Variants in SVEP1 observed in about 807,000 individuals in gnomAD.
The protein encoded by SVEP1 is sushi, von Willebrand factor type A, EGF and pentraxin domain-containing protein 1.
A neutral mutation model predicts 367.3 loss-of-function variants in SVEP1; 164 were observed. The ratio of observed to expected loss-of-function variants is 0.45; its 90% CI spans 0.39 to 0.51. SVEP1 has a LOEUF of 0.51. Ranked by LOEUF, SVEP1 falls within the 20% of genes least tolerant of loss-of-function variation. The pLI is 0.00. For missense variants in SVEP1, 4,117 were observed against 4,425.3 expected, an observed-to-expected ratio of 0.93 and a Z score of 1.98; for synonymous variants, 1,666 against 1,611.6, an observed-to-expected ratio of 1.03 and a Z score of -0.81.
chr9:110,379,808 CAAAT>C (rs1251342132), intron 43 of SVEP1, among the ~76,000 whole-genome samples: 9 of 152,248 alleles, frequency 5.9e-5, no homozygotes, highest in African/African-American at 1.9e-4. Flanking sequence ...TGTACCTCAT[CAAAT>C]AAATGGCTGC....
chr9:110,487,020 G>A (rs1164820720), intron 9 of SVEP1, among the ~76,000 whole-genome samples: 1 of 151,956 alleles, frequency 6.6e-6, no homozygotes, highest in Non-Finnish European at 1.5e-5. Flanking sequence ...GCAATGGTGC[G>A]ATCTCAGCTC....
At chr9:110,571,933 C>CAT (rs1564179722) in intron 1 of SVEP1, among the ~76,000 whole-genome samples, 2 of 152,174 alleles carry the variant, frequency 1.3e-5, no homozygotes, top group East Asian at 1.9e-4. Context: ...TATACACACA[C>CAT]ATACACACAC....
At chr9:110,485,077 T>C (rs374155281) in intron 9 of SVEP1, among the ~76,000 whole-genome samples, 28 of 152,304 alleles carry the variant, frequency 1.8e-4, no homozygotes, top group African/African-American at 6.7e-4. Flanking sequence ...AGCAATCCCA[T>C]TACTGGGTAT....
chr9:110,401,156 A>T, intron 39 of SVEP1, 147 bp from the exon 40 acceptor site: 2 of 887,052 alleles, frequency 2.3e-6, no homozygotes, highest in Non-Finnish European at 1.7e-6. Context: ...GCTACTTATT[A>T]TATGTGGGCT....
intron 41 of SVEP1, among the ~76,000 whole-genome samples, chr9:110,387,660 GAGTT>G (rs1369546275): frequency 7.9e-5 from 12 of 152,150 alleles, no homozygotes; most frequent in African/African-American, 2.9e-4. Flanking sequence ...TAAAGATTGG[GAGTT>G]AGTCTTATTG....
In SVEP1 at chr9:110,479,084, GT is replaced by G. The variant is rs578150435; in HGVS notation, c.2487+550del. Among the ~76,000 whole-genome samples the G allele has an allele frequency of 7.8e-4, 119 of 151,858 alleles. 2 individuals carry two copies. The highest frequency in any genetic ancestry group is 4.4e-3 in the Admixed American group (67 of 15,244). On this transcript the variant is annotated intron_variant, in intron 13 of 47. Coordinates refer to ENST00000374469, the MANE Select transcript of SVEP1 (RefSeq NM_153366.4). Reference sequence around the variant, plus strand: ...AGGCACACATCACCATGCCTGGCTAGTTTTTTTGTATTTTTACTAGAGACGG... The same window carrying G: ...AGGCACACATCACCATGCCTGGCTAGTTTTTTGTATTTTTACTAGAGACGG...
intron 1 of SVEP1, among the ~76,000 whole-genome samples, chr9:110,561,536 T>C (rs1830427271): frequency 6.6e-6 from 1 of 152,192 alleles, no homozygotes; most frequent in Non-Finnish European, 1.5e-5. Context: ...ACTAATACAT[T>C]CTAGGCCAAA....
chr9:110,524,133 G>T (rs554601492), intron 3 of SVEP1, among the ~76,000 whole-genome samples: 1 of 152,158 alleles, frequency 6.6e-6, no homozygotes, highest in East Asian at 1.9e-4. Flanking sequence ...TAGCCCTATG[G>T]TTAAGAAAAT....
intron 8 of SVEP1, among the ~76,000 whole-genome samples, chr9:110,490,271 G>T (rs539427298): frequency 9.9e-5 from 15 of 152,094 alleles, no homozygotes; most frequent in Middle Eastern, 3.4e-3. Flanking sequence ...AGTTTATAAA[G>T]ATCAAATCAG....
At chr9:110,519,027 C>T (rs1829842997) in intron 3 of SVEP1, among the ~76,000 whole-genome samples, 1 of 152,212 alleles carries the variant, frequency 6.6e-6, no homozygotes, top group African/African-American at 2.4e-5. Flanking sequence ...TGGTTAGAAC[C>T]TGCTTCAAGA....
intron 40 of SVEP1, among the ~76,000 whole-genome samples, chr9:110,400,610 G>A (rs1827843460): frequency 6.6e-6 from 1 of 152,032 alleles, no homozygotes; most frequent in Non-Finnish European, 1.5e-5. Context: ...CAAGTGATCT[G>A]CCCACCTCGG....
intron 1 of SVEP1, among the ~76,000 whole-genome samples, chr9:110,564,410 T>C (rs1830465637): frequency 6.6e-6 from 1 of 152,176 alleles, no homozygotes; most frequent in African/African-American, 2.4e-5. Flanking sequence ...AATCTAACCA[T>C]TACCTTGCAA....
chr9:110,553,471 C>G lies in SVEP1; in HGVS notation c.532-3367G>C, dbSNP rs115188072. 2.7e-3 allele frequency among the ~76,000 whole-genome samples: 417 copies of G among 152,136 alleles called. 7 individuals carry two copies. Among genetic ancestry groups the G allele is most frequent in the African/African-American group, 9.7e-3 (404 of 41,488 alleles). On this transcript the variant is annotated intron_variant, in intron 1 of 47. Coordinates refer to ENST00000374469, the MANE Select transcript of SVEP1 (RefSeq NM_153366.4). Reference sequence around the variant, plus strand: ...ACACAGTTTCTCTTCCTGATGAAACCCTGTGATATCTTGGAAAGTAAATAG... The same window carrying G: ...ACACAGTTTCTCTTCCTGATGAAACGCTGTGATATCTTGGAAAGTAAATAG...
Position 110,436,514 on chromosome 9 carries a change from G to C in SVEP1, c.4640-10C>G, listed in dbSNP as rs765328170. 2 of 1,611,150 alleles carry C rather than the reference G, an allele frequency of 1.2e-6. No individual in the cohort carries two copies. The highest frequency in any genetic ancestry group is 2.7e-5 in the African/African-American group (2 of 74,864). ...ACTAACGCACCACCACCTAAGGAGA[G>C]AGAAAGAGAAAGAAAAGGAGGAAAA... is the stretch of plus-strand genomic sequence containing the variant. On this transcript the variant is annotated splice_polypyrimidine_tract_variant and intron_variant, in intron 27 of 47. Coordinates refer to ENST00000374469, the MANE Select transcript of SVEP1 (RefSeq NM_153366.4).
chr9:110,372,538 A>G (rs1827294118), intron 46 of SVEP1, among the ~76,000 whole-genome samples: 1 of 152,214 alleles, frequency 6.6e-6, no homozygotes, highest in Admixed American at 6.5e-5. Flanking sequence ...AATCAGATCT[A>G]TTTATTAGCT....
At chr9:110,565,822 G>T (rs1830485301) in intron 1 of SVEP1, among the ~76,000 whole-genome samples, 1 of 143,078 alleles carries the variant, frequency 7.0e-6, no homozygotes, top group Admixed American at 6.8e-5. Flanking sequence ...TCACTGGTGA[G>T]TATGTATCAG....
intron 26 of SVEP1, among the ~76,000 whole-genome samples, chr9:110,444,323 AC>A (rs1828558003): frequency 6.6e-6 from 1 of 152,088 alleles, no homozygotes; most frequent in African/African-American, 2.4e-5. Context: ...CCATGTGAAG[AC>A]AGAGTAAGAA....
chr9:110,517,682 G>A (rs1829822600), intron 3 of SVEP1, among the ~76,000 whole-genome samples: 1 of 143,570 alleles, frequency 7.0e-6, no homozygotes, highest in Non-Finnish European at 1.5e-5. Context: ...CTAAGGCGCT[G>A]CAATGAGCTA....
Position 110,513,947 on chromosome 9 carries a change from C to T in SVEP1, c.1123+1G>A, listed in dbSNP as rs749981657. 1.9e-6 allele frequency: 3 copies of T among 1,610,106 alleles called. No homozygotes were observed. The highest frequency in any genetic ancestry group is 2.2e-5 in the East Asian group (1 of 44,796). On this transcript the variant is annotated splice_donor_variant, in intron 4 of 47. Transcript: ENST00000374469. LOFTEE classifies it high-confidence loss of function. Reference sequence around the variant, plus strand: ...CCATTTTCCAACAGTGGGAGACTCACGTTCACAGGTCTGGCCAGATGCCCT... The same window carrying T: ...CCATTTTCCAACAGTGGGAGACTCATGTTCACAGGTCTGGCCAGATGCCCT...
Sources: gnomAD v4.1 joint callset for allele counts (sites outside exome capture counted in the v4.1 genomes callset) on GRCh38, gnomAD v4.1.1 for gene constraint, MANE v1.5 for transcripts, NCBI Gene and HGNC (gene_info 2026-07-23, HGNC 2026-07-21) for gene names.